CFAP47: variants seen among roughly 807,000 people sequenced by gnomAD.
CFAP47 encodes the protein cilia and flagella associated protein 47, also known as cilia- and flagella-associated protein 47.
CFAP47 carries 29 observed loss-of-function variants against 148.1 expected under a neutral mutation model. The observed-to-expected ratio is 0.20, with a 90% CI of 0.15 to 0.27. The LOEUF (loss-of-function observed/expected upper bound fraction) is 0.27, where lower values mean the gene tolerates loss of function less well. Among genes scored for constraint, CFAP47 ranks in the 10% least tolerant of loss-of-function variants. The pLI is 1.00. For missense variants in CFAP47, 1,872 were observed against 1,697.5 expected (o/e 1.10, Z -1.81); for synonymous variants, 664 against 577.3 (o/e 1.15, Z -2.15).
intron 9 of CFAP47, among the ~76,000 whole-genome samples, chrX:35,967,414 T>A (rs749775315): frequency 2.7e-5 from 3 of 111,087 alleles, no homozygotes; most frequent in Non-Finnish European, 5.7e-5. Context: ...TATTTTTATA[T>A]ATGCATTTTT....
At chrX:36,141,810 A>C (rs1939146624) in intron 35 of CFAP47, among the ~76,000 whole-genome samples, 1 of 108,882 alleles carries the variant, frequency 9.2e-6, no homozygotes, top group Admixed American at 9.6e-5. Context: ...AGAGTGTTTT[A>C]GGACTCTGCA....
At chrX:35,972,105 G>C in intron 13 of CFAP47, 140 bp downstream of exon 13, 1 of 435,880 alleles carries the variant, frequency 2.3e-6, no homozygotes, top group Non-Finnish European at 4.0e-6. Context: ...AGTAGTCATA[G>C]TTATTAAGTA....
intron 26 of CFAP47, among the ~76,000 whole-genome samples, chrX:36,056,425 G>C (rs1450044757): frequency 1.8e-5 from 2 of 111,624 alleles, no homozygotes; most frequent in Admixed American, 1.9e-4. Context: ...AGACTTACAA[G>C]GATATGAAAT....
At chrX:36,375,620 T>C (rs1942015810) in intron 62 of CFAP47, among the ~76,000 whole-genome samples, 2 of 112,617 alleles carry the variant, frequency 1.8e-5, no homozygotes, top group African/African-American at 3.2e-5. Context: ...AAGTGCAGTA[T>C]TTTGTTTCTT....
In CFAP47 at chrX:36,263,856, G is replaced by T. The variant is rs74966533; in HGVS notation, c.7444+12412G>T. 9.3e-3 allele frequency among the ~76,000 whole-genome samples: 1,040 copies of T among 111,979 alleles called. 10 individuals carry two copies. The highest frequency in any genetic ancestry group is 0.032 in the African/African-American group (978 of 30,797). ...CAGCCACCCTATAGCCATCACAACT[G>T]GTGATGTGCTGAGTCTCACCTGAAG... On this transcript the variant is annotated intron_variant, in intron 49 of 63. Transcript: ENST00000378653.
rs377259270 is a variant in CFAP47, at chrX:36,064,901, A to G, written c.4218-742A>G. ...GACAATTTCACAATGCTTTCATAAA[A>G]TAGAGTATGCAGGTTATAGAAGGTA... On this transcript the variant is annotated intron_variant, in intron 26 of 63. Transcript: ENST00000378653. Among the ~76,000 whole-genome samples the G allele has an allele frequency of 3.6e-5, 4 of 112,146 alleles. No individual in the cohort carries two copies. In the East Asian group the frequency reaches 1.1e-3, roughly 31 times the overall value.
chrX:36,208,561 T>C (rs782118400), intron 45 of CFAP47, among the ~76,000 whole-genome samples: 19 of 111,825 alleles, frequency 1.7e-4, no homozygotes, highest in Non-Finnish European at 3.0e-4. Context: ...TGTTCAATGG[T>C]CAACTGCAGT....
chrX:35,999,854 A>G (rs1936893587), intron 19 of CFAP47, among the ~76,000 whole-genome samples: 1 of 112,012 alleles, frequency 8.9e-6, no homozygotes, highest in Non-Finnish European at 1.9e-5. Context: ...GCAGAAGACC[A>G]TGGTGAACTT....
intron 2 of CFAP47, among the ~76,000 whole-genome samples, chrX:35,939,284 A>T (rs765586782): frequency 7.3e-5 from 8 of 109,126 alleles, no homozygotes; most frequent in African/African-American, 2.7e-4. Context: ...TATTTTTTTT[A>T]AATTTAATTT....
chrX:36,171,987 G>T (rs1264776852), intron 39 of CFAP47, among the ~76,000 whole-genome samples: 1 of 109,938 alleles, frequency 9.1e-6, no homozygotes, highest in Non-Finnish European at 1.9e-5. Flanking sequence ...GAAGTGGTTT[G>T]TAGTTCTCCT....
Position 36,374,856 on chromosome X carries a change from G to A in CFAP47, c.9186-4494G>A, listed in dbSNP as rs966361692. The A allele has an allele frequency of 1.1e-4, 123 of 1,089,979 alleles. 1 individual carries two copies. Among genetic ancestry groups the A allele is most frequent in the Non-Finnish European group, 1.4e-4 (111 of 800,639 alleles). The allele number at this position is 1,089,979 out of a possible 1,213,427, so 89.8% of individuals were successfully genotyped here. ...TTCGTCTTGCTTCTTCATGGTCCAT[G>A]ATGCCAGCTGAGGTTGTCAGTATAA... On this transcript the variant is annotated intron_variant, in intron 62 of 63. Transcript: ENST00000378653.
At chrX:36,225,707 C>T (rs782801577) in intron 45 of CFAP47, among the ~76,000 whole-genome samples, 1 of 111,252 alleles carries the variant, frequency 9.0e-6, no homozygotes, top group African/African-American at 3.3e-5. Context: ...AGAGATCTGT[C>T]CCATTGGGCC....
At chrX:36,374,392 C>T in intron 62 of CFAP47, among the ~76,000 whole-genome samples, 1 of 110,466 alleles carries the variant, frequency 9.1e-6, no homozygotes, top group Non-Finnish European at 1.9e-5. Flanking sequence ...AAATGTCTCC[C>T]CCTTTATTTC....
intron 45 of CFAP47, among the ~76,000 whole-genome samples, chrX:36,210,644 A>G (rs1940089717): frequency 8.9e-6 from 1 of 112,018 alleles, no homozygotes; most frequent in Non-Finnish European, 1.9e-5. Context: ...ATTTTCTCCC[A>G]TTCTGTAAGT....
chrX:35,953,033 A>G (rs1601896636), intron 6 of CFAP47, among the ~76,000 whole-genome samples: 1 of 112,127 alleles, frequency 8.9e-6, no homozygotes, highest in Non-Finnish European at 1.9e-5. Flanking sequence ...GACCTATGAC[A>G]TAAACCATCT....
At chrX:36,020,254 G>T (rs1303751625) in intron 22 of CFAP47, among the ~76,000 whole-genome samples, 3 of 112,003 alleles carry the variant, frequency 2.7e-5, no homozygotes, top group Non-Finnish European at 5.6e-5. Flanking sequence ...GGGACCTGAC[G>T]TATGATTCTT....
At chrX:35,968,358 G>A (rs1936440178) in intron 10 of CFAP47, among the ~76,000 whole-genome samples, 1 of 111,085 alleles carries the variant, frequency 9.0e-6, no homozygotes, top group African/African-American at 3.3e-5. Context: ...CAATTAGGAT[G>A]ATAAAAAGTG....
At chrX:36,017,944 A>G (rs1178598735) in intron 22 of CFAP47, among the ~76,000 whole-genome samples, 1 of 110,803 alleles carries the variant, frequency 9.0e-6, no homozygotes, top group African/African-American at 3.3e-5. Flanking sequence ...GACTCTGTAG[A>G]TTGCTTTGGG....
At chrX:36,151,958 CTG>C (rs1939312320) in intron 37 of CFAP47, among the ~76,000 whole-genome samples, 3 of 111,190 alleles carry the variant, frequency 2.7e-5, no homozygotes, top group African/African-American at 9.8e-5. Context: ...TACTTTCTTT[CTG>C]TGTCTTCACG....
Sources: gnomAD v4.1 joint callset for allele counts (sites outside exome capture counted in the v4.1 genomes callset) on GRCh38, gnomAD v4.1.1 for gene constraint, MANE v1.5 for transcripts, NCBI Gene and HGNC (gene_info 2026-07-23, HGNC 2026-07-21) for gene names.